Variants in PHACTR2 observed in about 807,000 individuals in gnomAD.
PHACTR2 encodes the protein chromosome 6 open reading frame 56.
In PHACTR2, 30 loss-of-function variants were observed where a neutral mutation model predicts 76.0. The ratio of observed to expected loss-of-function variants is 0.39; its 90% CI spans 0.30 to 0.54. The LOEUF is 0.54. Ranked by LOEUF, PHACTR2 falls within the 20% of genes least tolerant of loss-of-function variation. The pLI is 0.61. For synonymous variants in PHACTR2, 292 were observed against 292.5 expected, an observed-to-expected ratio of 1.00 and a Z score of 0.02; for missense variants, 696 against 781.1, an observed-to-expected ratio of 0.89 and a Z score of 1.30.
In PHACTR2 at chr6:143,699,836, G is replaced by T. The variant is rs145610092; in HGVS notation, c.47-12180G>T. ...TCCAAGTTCAGATGCCTGGGTTGCT[G>T]CAGTCATCTCTTAACTGAGCTATAA... On this transcript the variant is annotated intron_variant, in intron 1 of 12. Transcript: ENST00000440869. Among the ~76,000 whole-genome samples the T allele has an allele frequency of 5.3e-3, 803 of 152,264 alleles. 9 individuals carry two copies. The highest frequency in any genetic ancestry group is 0.018 in the African/African-American group (752 of 41,548).
chr6:143,547,011 T>C lies in PHACTR2; in HGVS notation c.217+9804T>C, dbSNP rs1775010603. On this transcript the variant is annotated intron_variant, in intron 1 of 11. Coordinates refer to the PHACTR2 transcript ENST00000367584. The surrounding 1 kb of genome is among the most constrained non-coding windows in gnomAD (Gnocchi z 4.2). ...GTGATTGTGGCACTGCACTCCAGCC[T>C]GGGTAACAAAGTGTGACCCCATCTA... is the stretch of plus-strand genomic sequence containing the variant. Among the ~76,000 whole-genome samples, 1 of 152,028 alleles carries C rather than the reference T, an allele frequency of 6.6e-6. No individual in the cohort carries two copies. The highest frequency in any genetic ancestry group is 1.5e-5 in the Non-Finnish European group (1 of 68,020).
chr6:143,580,206 C>CCGGG lies in PHACTR2; in HGVS notation c.217+43002_217+43005dup, dbSNP rs1291213552. ...CCTTTAGAAGGGAGTCAACTTGGGG[C>CCGGG]CGGGCGCAGTGGCTCACTCCTGTAA... On this transcript the variant is annotated intron_variant, in intron 1 of 11. Coordinates refer to the PHACTR2 transcript ENST00000367584. This position sits in a 1 kb window ranked among gnomAD's most constrained non-coding sequence, Gnocchi z 4.2. Among the ~76,000 whole-genome samples the CCGGG allele has an allele frequency of 6.6e-6, 1 of 152,184 alleles. No individual in the cohort carries two copies. Among genetic ancestry groups the CCGGG allele is most frequent in the Non-Finnish European group, 1.5e-5 (1 of 68,032 alleles).
In PHACTR2 at chr6:143,580,281, C is replaced by A. The variant is rs6927128; in HGVS notation, c.217+43074C>A. On this transcript the variant is annotated intron_variant, in intron 1 of 11. Transcript: ENST00000367584. The surrounding 1 kb of genome is among the most constrained non-coding windows in gnomAD (Gnocchi z 4.2). ...CAGGCAGATCACGAGGTCAGGAAAT[C>A]GAGACCATCTTGGCCAACACGGTGA... Among the ~76,000 whole-genome samples the A allele has an allele frequency of 0.3, 45,048 of 151,946 alleles. 6,770 individuals are homozygous for A. The highest frequency in any genetic ancestry group is 0.42 in the Middle Eastern group (123 of 294).
rs994485931 is a variant in PHACTR2, at chr6:143,544,236, G to A, written c.217+7029G>A. 5.4e-5 allele frequency among the ~76,000 whole-genome samples: 8 copies of A among 147,608 alleles called. No individual in the cohort carries two copies. In the East Asian group the frequency reaches 1.6e-3, roughly 30 times the overall value. ...GTCATAAGACCTTCATTCCAGGAGGGAGGGAGGGAGGGAGTGGGAAGGAAG... is the reference window on the plus strand; with the variant it reads ...GTCATAAGACCTTCATTCCAGGAGGAAGGGAGGGAGGGAGTGGGAAGGAAG... On this transcript the variant is annotated intron_variant, in intron 1 of 11. Transcript: ENST00000367584.
chr6:143,577,208 A>G (rs1463043724), intron 1 of PHACTR2, among the ~76,000 whole-genome samples: 1 of 152,204 alleles, frequency 6.6e-6, no homozygotes, highest in East Asian at 1.9e-4. Flanking sequence ...GTCTTTTAAA[A>G]TTGTATTTTA....
At position 143,652,006 on chromosome 6, in the gene PHACTR2, G is replaced by C. The variant is rs1184941273; in HGVS notation, c.13+43684G>C. 6.7e-6 allele frequency among the ~76,000 whole-genome samples: 1 copy of C among 149,904 alleles called. No individual in the cohort carries two copies. The highest frequency in any genetic ancestry group is 6.7e-5 in the Admixed American group (1 of 15,018). Reference sequence around the variant, plus strand: ...GGCCTCAGAAGAAACCAAATCAACTGATGCCTTCATCTTGGATTTCTAGCC... The same window carrying C: ...GGCCTCAGAAGAAACCAAATCAACTCATGCCTTCATCTTGGATTTCTAGCC... On this transcript the variant is annotated intron_variant, in intron 1 of 11. Coordinates refer to the PHACTR2 transcript ENST00000305766. The surrounding 1 kb of genome is among the most constrained non-coding windows in gnomAD (Gnocchi z 4.5).
chr6:143,705,866 C>T (rs1778041389), intron 1 of PHACTR2, among the ~76,000 whole-genome samples: 1 of 152,232 alleles, frequency 6.6e-6, no homozygotes, highest in Non-Finnish European at 1.5e-5. Flanking sequence ...GGAAGGAAGT[C>T]ACTATGGATA....
intron 2 of PHACTR2, among the ~76,000 whole-genome samples, chr6:143,747,611 G>A (rs1006859206): frequency 2.0e-5 from 3 of 152,220 alleles, no homozygotes; most frequent in Non-Finnish European, 4.4e-5. Context: ...GAGCCCAGGA[G>A]TAGGAATCGG....
Position 143,739,017 on chromosome 6 carries a change from G to GA in PHACTR2, c.215-9964dup, listed in dbSNP as rs1778880606. On this transcript the variant is annotated intron_variant, in intron 2 of 12. Transcript: ENST00000440869. The surrounding 1 kb of genome is among the most constrained non-coding windows in gnomAD (Gnocchi z 4.3). Reference sequence around the variant, plus strand: ...GCTATTGTTTATGATCTCTTAGTTTGAAAAGCTTCATTACCATTTACAGCT... The same window carrying GA: ...GCTATTGTTTATGATCTCTTAGTTTGAAAAAGCTTCATTACCATTTACAGCT... Among the ~76,000 whole-genome samples, 1 of 152,116 alleles carries GA rather than the reference G, an allele frequency of 6.6e-6. No homozygotes were observed. The highest frequency in any genetic ancestry group is 1.5e-5 in the Non-Finnish European group (1 of 68,018).
rs1210437631 is a variant in PHACTR2 at position 143,722,591 on chromosome 6, T to C, written c.214+10408T>C. ...CAAGGTAATTGAGATATACATCACC[T>C]CAAACATTTATCGTTTCTTTTTGTT... On this transcript the variant is annotated intron_variant, in intron 2 of 12. Coordinates refer to ENST00000440869, the MANE Select transcript of PHACTR2 (RefSeq NM_001100164.2). This position sits in a 1 kb window ranked among gnomAD's most constrained non-coding sequence, Gnocchi z 4.1. Among the ~76,000 whole-genome samples, 1 of 152,236 alleles carries C rather than the reference T, an allele frequency of 6.6e-6. No homozygotes were observed. The highest frequency in any genetic ancestry group is 1.5e-5 in the Non-Finnish European group (1 of 68,046).
rs1775208889 is a variant in PHACTR2 at position 143,558,271 on chromosome 6, GGTGT to G, written c.217+21066_217+21069del. ...ATTAAGGAATTAATGTTCCTTCTTA[GGTGT>G]GAAATAATATTGTGGTTGTGTTTTA... On this transcript the variant is annotated intron_variant, in intron 1 of 11. Transcript: ENST00000367584. This position sits in a 1 kb window ranked among gnomAD's most constrained non-coding sequence, Gnocchi z 4.7. 2.6e-5 allele frequency: 4 copies of G among 151,990 alleles called. No homozygotes were observed. Among genetic ancestry groups the G allele is most frequent in the Non-Finnish European group, 5.9e-5 (4 of 68,004 alleles). The allele number at this position is 151,990 out of a possible 1,614,324, so 9.4% of individuals were successfully genotyped here.
At chr6:143,736,494 A>C (rs537454405) in intron 2 of PHACTR2, among the ~76,000 whole-genome samples, 43 of 151,956 alleles carry the variant, frequency 2.8e-4, no homozygotes, top group African/African-American at 1.0e-3. Flanking sequence ...GAGAAATGGA[A>C]AGTAGAGGAG....
intron 1 of PHACTR2, among the ~76,000 whole-genome samples, chr6:143,575,344 C>CT (rs1214365231): frequency 6.6e-6 from 1 of 152,122 alleles, no homozygotes; most frequent in Non-Finnish European, 1.5e-5. Context: ...AATTTGTGTA[C>CT]TTTTTTATAA....
chr6:143,747,275 T>C (rs1026351581), intron 2 of PHACTR2, among the ~76,000 whole-genome samples: 1 of 152,178 alleles, frequency 6.6e-6, no homozygotes, highest in Non-Finnish European at 1.5e-5. Context: ...ATTTCTATTA[T>C]CAGAAAGGAA....
Position 143,777,475 on chromosome 6 carries a change from TA to T in PHACTR2, c.1645+93del. The stretch of plus-strand genomic sequence containing the variant: ...GATTTATCAGTAAGAAACCATCATA[TA>T]TTCATTTACTCAAGATGGACTGAAA... On this transcript the variant is annotated intron_variant, in intron 9 of 12. Coordinates refer to ENST00000440869, the MANE Select transcript of PHACTR2 (RefSeq NM_001100164.2). The surrounding 1 kb of genome is among the most constrained non-coding windows in gnomAD (Gnocchi z 4.6). The T allele has an allele frequency of 1.2e-5, 7 of 566,418 alleles. No individual in the cohort carries two copies. The highest frequency in any genetic ancestry group is 1.9e-5 in the African/African-American group (1 of 51,562). 35.1% of individuals were successfully genotyped at this position (566,418 alleles called of 1,614,324 possible).
chr6:143,672,187 A>C lies in PHACTR2; in HGVS notation c.14-39829A>C, dbSNP rs1273076006. Among the ~76,000 whole-genome samples the C allele has an allele frequency of 6.6e-6, 1 of 151,954 alleles. No homozygotes were observed. The highest frequency in any genetic ancestry group is 1.5e-5 in the Non-Finnish European group (1 of 67,994). ...TTGGACTACATGTTTATTAAAACTTATTGAACTGTTTGCTTTAAATGGGTA... is the reference window on the plus strand; with the variant it reads ...TTGGACTACATGTTTATTAAAACTTCTTGAACTGTTTGCTTTAAATGGGTA... On this transcript the variant is annotated intron_variant, in intron 1 of 11. Coordinates refer to the PHACTR2 transcript ENST00000305766. This position sits in a 1 kb window ranked among gnomAD's most constrained non-coding sequence, Gnocchi z 5.8.
Position 143,658,147 on chromosome 6 carries a change from A to C in PHACTR2, c.13+49825A>C, listed in dbSNP as rs1485511439. 1.3e-5 allele frequency among the ~76,000 whole-genome samples: 2 copies of C among 152,230 alleles called. No homozygotes were observed. Among genetic ancestry groups the C allele is most frequent in the East Asian group, 3.8e-4 (2 of 5,200 alleles). ...GGATATATGTTTTTATTTCTGCTGAATAAATGACAAGTAGAATTTCTGAGT... is the reference window on the plus strand; with the variant it reads ...GGATATATGTTTTTATTTCTGCTGACTAAATGACAAGTAGAATTTCTGAGT... On this transcript the variant is annotated intron_variant, in intron 1 of 11. Coordinates refer to the PHACTR2 transcript ENST00000305766. The surrounding 1 kb of genome is among the most constrained non-coding windows in gnomAD (Gnocchi z 4.1).
At chr6:143,644,467 C>CAAAAAA (rs373621895) in intron 1 of PHACTR2, among the ~76,000 whole-genome samples, 1 of 111,532 alleles carries the variant, frequency 9.0e-6, no homozygotes, top group Non-Finnish European at 1.7e-5. Context: ...GACTCCATCT[C>CAAAAAA]AAAAAAAAAA....
chr6:143,685,654 C>A (rs1777497940), intron 1 of PHACTR2, among the ~76,000 whole-genome samples: 2 of 135,702 alleles, frequency 1.5e-5, no homozygotes, highest in Non-Finnish European at 3.1e-5. Flanking sequence ...TAAGTGATCA[C>A]TTGGTAAATG....
Sources: allele counts gnomAD v4.1 joint callset (sites outside exome capture counted in the v4.1 genomes callset), GRCh38; gene constraint gnomAD v4.1.1; non-coding constraint Gnocchi (gnomAD v3.1); transcripts MANE v1.5; gene names NCBI Gene and HGNC (gene_info 2026-07-23, HGNC 2026-07-21).